Variants in LRGUK observed in about 807,000 individuals in gnomAD.
LRGUK encodes the protein leucine-rich repeat and guanylate kinase domain-containing protein.
In LRGUK, 65 loss-of-function variants were observed where a neutral mutation model predicts 76.0. That is an observed-to-expected ratio of 0.85 (90% CI 0.70 to 1.05). LRGUK has a LOEUF of 1.05. Ranked by LOEUF, LRGUK falls within the 50% of genes least tolerant of loss-of-function variation. LRGUK has a pLI of 0.00. For missense variants in LRGUK, 758 were observed against 732.8 expected (o/e 1.03, Z -0.40); for synonymous variants, 268 against 265.6 (o/e 1.01, Z -0.09).
intron 19 of LRGUK, among the ~76,000 whole-genome samples, chr7:134,258,633 A>G (rs2117226178): frequency 6.6e-6 from 1 of 151,086 alleles, no homozygotes; most frequent in Non-Finnish European, 1.5e-5. Context: ...CAGGAGGCGG[A>G]GGTTGCAGGG....
intron 6 of LRGUK, among the ~76,000 whole-genome samples, chr7:134,162,770 T>G (rs548668560): frequency 3.0e-5 from 4 of 135,508 alleles, no homozygotes; most frequent in Admixed American, 2.8e-4. Flanking sequence ...GAGGTTGCAG[T>G]GAGCCGAGGT....
chr7:134,258,750 T>A (rs1360636648), intron 19 of LRGUK, among the ~76,000 whole-genome samples: 1 of 152,034 alleles, frequency 6.6e-6, no homozygotes, highest in Non-Finnish European at 1.5e-5. Context: ...ATAAGTTATA[T>A]ATATTTATAT....
Position 134,208,874 on chromosome 7 carries a change from C to T in LRGUK, c.2011C>T (p.Gln671Ter). ...TCAGAGCGTAACTCCTGCCCAGAAC[C>T]AAGAGCTGGCTCAGGATGGAGAAAC... Residue 671 changes from glutamine to a stop codon, truncating the protein, a stop_gained, in exon 16 of 16, where the codon CAA becomes TAA. Transcript: ENST00000645682. LOFTEE classifies it low-confidence loss of function (END_TRUNC). 2.5e-6 allele frequency: 1 copy of T among 399,002 alleles called. No homozygotes were observed. The highest frequency in any genetic ancestry group is 4.4e-6 in the Non-Finnish European group (1 of 226,062). 24.7% of individuals were successfully genotyped at this position (399,002 alleles called of 1,614,324 possible).
At chr7:134,169,986 T>C (rs942494787) in intron 7 of LRGUK, among the ~76,000 whole-genome samples, 1 of 152,130 alleles carries the variant, frequency 6.6e-6, no homozygotes, top group African/African-American at 2.4e-5. Flanking sequence ...TAGAATACTA[T>C]ATTATAAGCA....
chr7:134,178,696 C>T, intron 10 of LRGUK, 87 bp downstream of exon 10: 3 of 922,098 alleles, frequency 3.3e-6, no homozygotes, highest in Admixed American at 2.7e-5. Context: ...ATTTTGTGAC[C>T]CCTTTATTTC....
chr7:134,215,154 GATCCATA>G (rs1425641356), downstream of LRGUK, among the ~76,000 whole-genome samples: 1 of 151,168 alleles, frequency 6.6e-6, no homozygotes, highest in Non-Finnish European at 1.5e-5. Flanking sequence ...TATTGACCAA[GATCCATA>G]ATTAGAAGTA....
chr7:134,138,495 A>G (rs1797625958), intron 2 of LRGUK, among the ~76,000 whole-genome samples: 1 of 152,074 alleles, frequency 6.6e-6, no homozygotes, highest in African/African-American at 2.4e-5. Flanking sequence ...TACCAAAGTC[A>G]TAAGTTTCTT....
intron 14 of LRGUK, among the ~76,000 whole-genome samples, chr7:134,200,245 C>T (rs559244496): frequency 4.6e-5 from 7 of 151,458 alleles, no homozygotes; most frequent in African/African-American, 1.7e-4. Flanking sequence ...CCATGTTGTC[C>T]AGGCTGGTCT....
At chr7:134,139,565 A>G (rs760262654) in intron 3 of LRGUK, 48 bp downstream of exon 3, 2 of 1,231,738 alleles carry the variant, frequency 1.6e-6, no homozygotes, top group Admixed American at 1.8e-5. Flanking sequence ...CTGAAAACTT[A>G]AACGTTGCAG....
chr7:134,177,720 T>C (rs1799541246), intron 9 of LRGUK, among the ~76,000 whole-genome samples: 1 of 152,170 alleles, frequency 6.6e-6, no homozygotes, highest in South Asian at 2.1e-4. Flanking sequence ...CAGGTATAAA[T>C]ATGTAGAGAG....
chr7:134,239,752 T>C (rs1802095128), intron 16 of LRGUK, among the ~76,000 whole-genome samples: 1 of 152,194 alleles, frequency 6.6e-6, no homozygotes, highest in Admixed American at 6.5e-5. Flanking sequence ...GACTGCCTCC[T>C]CAAGTGGGTC....
rs747641349 is a variant in LRGUK, at chr7:134,226,218, A to ATGTGAGTGTG, written c.1983+4304_1983+4305insAGTGTGTGTG. Among the ~76,000 whole-genome samples, 9 of 141,714 alleles carry ATGTGAGTGTG rather than the reference A, an allele frequency of 6.4e-5. 1 individual carries two copies. Among genetic ancestry groups the ATGTGAGTGTG allele is most frequent in the African/African-American group, 2.6e-4 (9 of 35,294 alleles). 93.0% of individuals were successfully genotyped at this position (141,714 alleles called of 152,430 possible). Reference sequence around the variant, plus strand: ...GACAAGGTAGAAATTCCCATCTCCAATGTGTGTGTGTGTGTGTGTGTGTGT... The same window carrying ATGTGAGTGTG: ...GACAAGGTAGAAATTCCCATCTCCAATGTGAGTGTGTGTGTGTGTGTGTGTGTGTGTGTGT... On this transcript the variant is annotated intron_variant, in intron 16 of 19. Transcript: ENST00000285928.
chr7:134,255,222 A>AACACACAC (rs66632170), intron 18 of LRGUK, among the ~76,000 whole-genome samples: 191 of 143,154 alleles, frequency 1.3e-3, no homozygotes, highest in African/African-American at 3.1e-3. Flanking sequence ...ATGTTATCTC[A>AACACACAC]ACACACACAC....
intron 5 of LRGUK, among the ~76,000 whole-genome samples, chr7:134,149,498 G>A (rs1221357776): frequency 6.6e-6 from 1 of 152,254 alleles, no homozygotes; most frequent in Non-Finnish European, 1.5e-5. Context: ...GATGTATCTT[G>A]TAAAAGAAAA....
intron 5 of LRGUK, among the ~76,000 whole-genome samples, chr7:134,157,684 G>A (rs1330562198): frequency 6.6e-6 from 1 of 152,044 alleles, no homozygotes; most frequent in Non-Finnish European, 1.5e-5. Context: ...CACCACGCCC[G>A]GCTAATTTTT....
intron 12 of LRGUK, among the ~76,000 whole-genome samples, chr7:134,194,651 G>A (rs1800407085): frequency 1.3e-5 from 2 of 152,152 alleles, no homozygotes; most frequent in Admixed American, 1.3e-4. Flanking sequence ...TGAGGCAGAA[G>A]GATTGCTTGA....
intron 16 of LRGUK, among the ~76,000 whole-genome samples, chr7:134,222,497 G>T (rs1801625465): frequency 6.6e-6 from 1 of 152,166 alleles, no homozygotes; most frequent in African/African-American, 2.4e-5. Flanking sequence ...AATACAAAGA[G>T]ACTTAATTGC....
intron 5 of LRGUK, among the ~76,000 whole-genome samples, chr7:134,153,092 A>C (rs1486315388): frequency 1.3e-5 from 2 of 152,070 alleles, no homozygotes; most frequent in Non-Finnish European, 2.9e-5. Flanking sequence ...TTTTAAAAAT[A>C]AATAAAATCA....
At chr7:134,132,503 G>A (rs772199727) in intron 1 of LRGUK, among the ~76,000 whole-genome samples, 3 of 152,218 alleles carry the variant, frequency 2.0e-5, no homozygotes, top group Non-Finnish European at 4.4e-5. Flanking sequence ...GTGAAGTCAG[G>A]AGGCTAAGTG....
Sources: allele counts gnomAD v4.1 joint callset (sites outside exome capture counted in the v4.1 genomes callset), GRCh38; gene constraint gnomAD v4.1.1; transcripts MANE v1.5; gene names NCBI Gene and HGNC (gene_info 2026-07-23, HGNC 2026-07-21).